GREB1: variants seen among roughly 807,000 people sequenced by gnomAD.
The protein encoded by GREB1 is growth regulating estrogen receptor binding 1.
Under a neutral mutation model 200.7 loss-of-function variants are expected in GREB1, and 106 were observed. The ratio of observed to expected loss-of-function variants is 0.53; its 90% CI spans 0.45 to 0.62. The LOEUF is 0.62. Ranked by LOEUF, GREB1 falls within the 20% of genes least tolerant of loss-of-function variation. GREB1 has a pLI of 0.00. For missense variants in GREB1, 2,243 were observed against 2,556.8 expected (o/e 0.88, Z 2.65); for synonymous variants, 1,132 against 1,092.4 (o/e 1.04, Z -0.72).
At chr2:11,533,803 G>A (rs559227960), upstream of GREB1, among the ~76,000 whole-genome samples, 3 of 152,228 alleles carry the variant, frequency 2.0e-5, no homozygotes, top group South Asian at 4.2e-4. Flanking sequence ...ATGCTCTCCC[G>A]CCATGTTCTC....
At chr2:11,501,905 G>GTTTTTTTT (rs1204074491) in intron 1 of GREB1, among the ~76,000 whole-genome samples, 4 of 61,598 alleles carry the variant, frequency 6.5e-5, no homozygotes, top group East Asian at 5.0e-4. Flanking sequence ...GTTTTTTTTT[G>GTTTTTTTT]TTTTTTTTTT....
chr2:11,618,975 C>T, intron 22 of GREB1, 56 bp downstream of exon 22: 1 of 1,408,034 alleles, frequency 7.1e-7, no homozygotes, highest in Non-Finnish European at 9.3e-7. Flanking sequence ...CCTCACACTC[C>T]CATCTGGAGG....
rs1223737230 is a variant in GREB1 at position 11,492,008 on chromosome 2, C to T, written c.-159+9627C>T. On this transcript the variant is annotated intron_variant, in intron 1 of 2. Coordinates refer to the GREB1 transcript ENST00000628795. The surrounding 1 kb of genome is among the most constrained non-coding windows in gnomAD (Gnocchi z 4.0). Reference sequence around the variant, plus strand: ...GACTTCTAGTGTCTGCACCCTGACTCGGTGACTAGTTCCCACTTCTTGGGA... The same window carrying T: ...GACTTCTAGTGTCTGCACCCTGACTTGGTGACTAGTTCCCACTTCTTGGGA... Among the ~76,000 whole-genome samples the T allele has an allele frequency of 3.3e-5, 5 of 152,208 alleles. No homozygotes were observed. The highest frequency in any genetic ancestry group is 3.9e-4 in the East Asian group (2 of 5,194).
rs186199212 is a variant in GREB1 at position 11,608,464 on chromosome 2, C to T, written c.2667-2224C>T. Among the ~76,000 whole-genome samples, 373 of 152,184 alleles carry T rather than the reference C, an allele frequency of 2.5e-3. 2 individuals carry two copies. Among genetic ancestry groups the T allele is most frequent in the Admixed American group, 3.6e-3 (55 of 15,304 alleles). Reference sequence around the variant, plus strand: ...TGGTAATTTTTGAGAGAATACCAGACGTTGTTAATTTTACCTTGTTGGGTG... The same window carrying T: ...TGGTAATTTTTGAGAGAATACCAGATGTTGTTAATTTTACCTTGTTGGGTG... On this transcript the variant is annotated intron_variant, in intron 17 of 32. Coordinates refer to ENST00000381486, the MANE Select transcript of GREB1 (RefSeq NM_014668.4).
At chr2:11,635,664 G>A (rs924028311) in intron 30 of GREB1, among the ~76,000 whole-genome samples, 3 of 152,086 alleles carry the variant, frequency 2.0e-5, no homozygotes, top group African/African-American at 7.2e-5. Context: ...CTTCCTGTGT[G>A]TTCTCACCTG....
intron 1 of GREB1, among the ~76,000 whole-genome samples, chr2:11,546,890 T>G (rs1342540232): frequency 1.3e-5 from 2 of 152,068 alleles, no homozygotes; most frequent in African/African-American, 2.4e-5. Context: ...TAATACAGAT[T>G]TATAACTCTG....
chr2:11,508,873 C>CTTTTT (rs1344798242), intron 1 of GREB1, among the ~76,000 whole-genome samples: 4 of 139,564 alleles, frequency 2.9e-5, no homozygotes, highest in African/African-American at 5.5e-5. Flanking sequence ...TTCTTTCTCT[C>CTTTTT]TTTTTTTTTT....
chr2:11,596,425 A>G (rs1185563446), intron 13 of GREB1, among the ~76,000 whole-genome samples, 186 bp downstream of exon 13: 8 of 87,940 alleles, frequency 9.1e-5, no homozygotes, highest in Non-Finnish European at 1.8e-4. Context: ...GAGAGGTGGC[A>G]GGGACGCAGG....
intron 1 of GREB1, among the ~76,000 whole-genome samples, chr2:11,555,614 A>G (rs985727802): frequency 6.6e-6 from 1 of 152,214 alleles, no homozygotes; most frequent in Non-Finnish European, 1.5e-5. Flanking sequence ...CTAACGTTAG[A>G]TAGAAGCCAG....
chr2:11,502,687 C>G (rs757434002), intron 1 of GREB1, among the ~76,000 whole-genome samples: 2 of 152,136 alleles, frequency 1.3e-5, no homozygotes, highest in Non-Finnish European at 2.9e-5. Flanking sequence ...TCTTTATTAT[C>G]TATTTATATA....
intron 1 of GREB1, among the ~76,000 whole-genome samples, chr2:11,525,592 C>T (rs973917342): frequency 6.6e-6 from 1 of 151,942 alleles, no homozygotes; most frequent in Non-Finnish European, 1.5e-5. Context: ...TGACTTGGGC[C>T]TCAGTTGGCC....
intron 1 of GREB1, among the ~76,000 whole-genome samples, chr2:11,521,792 G>T (rs562927952): frequency 1.3e-5 from 2 of 152,186 alleles, no homozygotes; most frequent in Non-Finnish European, 2.9e-5. Context: ...ACTTTGTGCC[G>T]TATTTAGAAA....
At chr2:11,555,081 A>G (rs1401601046) in intron 1 of GREB1, among the ~76,000 whole-genome samples, 1 of 152,258 alleles carries the variant, frequency 6.6e-6, no homozygotes, top group Non-Finnish European at 1.5e-5. Flanking sequence ...AGAATAACGT[A>G]TAGCCTTAAA....
Position 11,525,623 on chromosome 2 carries a change from C to T in GREB1, c.-158-30834C>T, listed in dbSNP as rs192050853. ...TGGCCAAGACATGGGAGGCTATTCT[C>T]ACACAGAAATTCTACCACTCTTGGT... On this transcript the variant is annotated intron_variant, in intron 1 of 2. Coordinates refer to the GREB1 transcript ENST00000628795. Among the ~76,000 whole-genome samples, 5 of 152,138 alleles carry T rather than the reference C, an allele frequency of 3.3e-5. No homozygotes were observed. The East Asian group carries it at 5.8e-4, about 18-fold the overall frequency.
intron 4 of GREB1, 120 bp from the exon 5 acceptor site, chr2:11,576,233 G>A: frequency 1.3e-6 from 1 of 751,730 alleles, no homozygotes. Flanking sequence ...CTTGAACCTG[G>A]GAGATAGAGG....
At chr2:11,539,427 C>T (rs77322425) in intron 1 of GREB1, among the ~76,000 whole-genome samples, 2,341 of 152,248 alleles carry the variant, frequency 0.015, 65 homozygotes, top group African/African-American at 0.053. Context: ...CCATGGTATT[C>T]ACAGCAGAGT....
intron 1 of GREB1, among the ~76,000 whole-genome samples, chr2:11,515,715 G>C (rs971800206): frequency 7.2e-5 from 11 of 152,228 alleles, no homozygotes; most frequent in Admixed American, 5.9e-4. Flanking sequence ...TCAGGCCAGA[G>C]TGATCCTTCA....
At chr2:11,553,607 G>A (rs1488328462) in intron 1 of GREB1, among the ~76,000 whole-genome samples, 2 of 150,826 alleles carry the variant, frequency 1.3e-5, no homozygotes, top group Admixed American at 1.3e-4. Context: ...TGCCGGCTAT[G>A]TATCTCTAGA....
rs771538581 is a variant in GREB1 at position 11,556,622 on chromosome 2, A to G, written c.8A>G (p.Asn3Ser). The G allele has an allele frequency of 1.2e-5, 20 of 1,609,164 alleles. No homozygotes were observed. Among genetic ancestry groups the G allele is most frequent in the Non-Finnish European group, 1.6e-5 (19 of 1,177,614 alleles). The change falls in exon 2 of 33, where the codon AAT becomes AGT. Residue 3 changes from asparagine (N) to serine (S), a missense_variant. By Grantham distance (46) the Asn-to-Ser change is conservative. Transcript: ENST00000381486. ...GACTCCATCCTCTTGAAGATGGGAA[A>G]TTCTTACGCTGGACAGCTGAAGACG... MG[N>S]SYAGQLKTTR...
Sources: gnomAD v4.1 joint callset for allele counts (sites outside exome capture counted in the v4.1 genomes callset) on GRCh38, gnomAD v4.1.1 for gene constraint, Gnocchi (gnomAD v3.1) non-coding constraint, MANE v1.5 for transcripts, NCBI Gene and HGNC (gene_info 2026-07-23, HGNC 2026-07-21) for gene names.